The following TTN variants were observed in gnomAD, a reference collection of about 807,000 sequenced individuals.
TTN encodes the protein connectin.
A neutral mutation model predicts 3,223.0 loss-of-function variants in TTN; 1,525 were observed. The observed-to-expected ratio is 0.47, with a 90% CI of 0.45 to 0.49. TTN has a LOEUF of 0.49. Among genes scored for constraint, TTN ranks in the 20% least tolerant of loss-of-function variants. The pLI, the probability that TTN is intolerant of heterozygous loss-of-function variation, is 0.00. For synonymous variants in TTN, 14,094 were observed against 15,161.0 expected (o/e 0.93, Z 5.17); for missense variants, 40,786 against 43,424.0 (o/e 0.94, Z 5.40).
chr2:178,787,358 C>T (rs2154352371), intron 13 of TTN, among the ~76,000 whole-genome samples: 1 of 152,100 alleles, frequency 6.6e-6, no homozygotes, highest in East Asian at 1.9e-4. Context: ...TAGATTGCAT[C>T]ATCTCAGAAA....
At chr2:178,544,566 T>TAA (rs1696141790) in intron 344 of TTN, 60 bp from the exon 345 acceptor site, 7 of 1,463,420 alleles carry the variant, frequency 4.8e-6, no homozygotes, top group Non-Finnish European at 9.2e-7. Context: ...TTGAGATTTG[T>TAA]ATTTTTTGTT....
At position 178,565,909 on chromosome 2, in the gene TTN, A is replaced by G; in HGVS notation, c.80223T>C (p.Ser26741=). The change falls in exon 326 of 363, where the codon AGT becomes AGC. Residue 26741 remains serine (S), a synonymous_variant. Transcript: ENST00000589042. ...CTTCTGTAAGGTTTTCCACTTTAAA[A>G]CTTGTTTTGCTGCATTTACTACTCA... ...ANVSSKCSKT[S]FKVENLTEGA... 1 of 1,613,524 alleles carries G rather than the reference A, an allele frequency of 6.2e-7. No individual in the cohort carries two copies. The highest frequency in any genetic ancestry group is 8.5e-7 in the Non-Finnish European group (1 of 1,179,656).
intron 36 of TTN, 51 bp from the exon 37 acceptor site, chr2:178,769,990 G>T: frequency 6.2e-7 from 1 of 1,614,122 alleles, no homozygotes; most frequent in South Asian, 1.1e-5. Flanking sequence ...TTAAAAAGTA[G>T]ATGAAACCAA....
Position 178,538,624 on chromosome 2 carries a change from A to T in TTN, c.99205T>A (p.Tyr33069Asn), listed in dbSNP as rs752578821. ...TIGGLLEATE[Y>N]EFRVFAENET... is the part of the protein sequence containing the mutation. ...TTCTCAGCAAAAACCCTGAATTCAT[A>T]CTCAGTAGCTTCCAGCAAACCTCCT... Residue 33069 changes from tyrosine to asparagine, a missense_variant, in exon 354 of 363, where the codon TAT (tyrosine) becomes AAT (asparagine). Transcript: ENST00000589042. 2 of 1,613,668 alleles carry T rather than the reference A, an allele frequency of 1.2e-6. No homozygotes were observed. The highest frequency in any genetic ancestry group is 2.2e-5 in the South Asian group (2 of 91,058).
chr2:178,576,250 G>C lies in TTN; in HGVS notation c.69882C>G (p.Thr23294=). ...DEAWIKDTTG[T]ALRITQFVVP... Reference sequence around the variant, plus strand: ...CAACGAACTGAGTGATTCTGAGGGCGGTTCCTGTGGTATCTTTTATCCAGG... The same window carrying C: ...CAACGAACTGAGTGATTCTGAGGGCCGTTCCTGTGGTATCTTTTATCCAGG... The change falls in exon 326 of 363, where the codon ACC becomes ACG. Residue 23294 remains threonine (T), a synonymous_variant. Coordinates refer to ENST00000589042, the MANE Select transcript of TTN (RefSeq NM_001267550.2). This position sits in a 1 kb window ranked among gnomAD's most constrained non-coding sequence, Gnocchi z 4.3. The C allele has an allele frequency of 6.2e-7, 1 of 1,611,958 alleles. No homozygotes were observed. Among genetic ancestry groups the C allele is most frequent in the Non-Finnish European group, 8.5e-7 (1 of 1,179,062 alleles).
chr2:178,711,891 A>C, intron 96 of TTN, 53 bp downstream of exon 96: 1 of 1,518,214 alleles, frequency 6.6e-7, no homozygotes, highest in Non-Finnish European at 8.8e-7. Context: ...AGACATTTTA[A>C]ATCTTGTTCA....
At chr2:178,763,166 A>G (rs912038318) in intron 43 of TTN, among the ~76,000 whole-genome samples, 2 of 152,186 alleles carry the variant, frequency 1.3e-5, no homozygotes, top group African/African-American at 2.4e-5. Flanking sequence ...GAAACTCTCA[A>G]ATAATTGTGA....
intron 2 of TTN, 106 bp downstream of exon 2, chr2:178,804,446 G>A (rs755817317): frequency 5.3e-5 from 59 of 1,105,816 alleles, no homozygotes; most frequent in Admixed American, 2.9e-4. Context: ...CTAATTTTCC[G>A]AAGTGAAAGC....
chr2:178,609,817 T>C lies in TTN; in HGVS notation c.51606A>G (p.Val17202=), dbSNP rs375685343. 8 of 1,612,840 alleles carry C rather than the reference T, an allele frequency of 5.0e-6. No homozygotes were observed. The African/African-American group carries it at 9.4e-5, about 19-fold the overall frequency. Residue 17202 remains valine (V), a synonymous_variant, in exon 272 of 363, where the codon GTA becomes GTG. Coordinates refer to ENST00000589042, the MANE Select transcript of TTN (RefSeq NM_001267550.2). ...ERWKRCNEHL[V]PILTYTAKGL... ...CTTTTGCTGTATAGGTCAGGATTGGTACCAGGTGTTCATTGCATCTCTTCC... is the reference window on the plus strand; with the variant it reads ...CTTTTGCTGTATAGGTCAGGATTGGCACCAGGTGTTCATTGCATCTCTTCC...
In TTN at chr2:178,725,285, C is replaced by T. The variant is rs545551373; in HGVS notation, c.20836+83G>A. 1,410 of 1,362,748 alleles carry T rather than the reference C, an allele frequency of 1.0e-3. 7 individuals are homozygous for T. The highest frequency in any genetic ancestry group is 8.7e-4 in the Non-Finnish European group (908 of 1,043,662). The allele number at this position is 1,362,748 out of a possible 1,614,324, so 84.4% of individuals were successfully genotyped here. On this transcript the variant is annotated intron_variant, in intron 71 of 362. Coordinates refer to ENST00000589042, the MANE Select transcript of TTN (RefSeq NM_001267550.2). Reference sequence around the variant, plus strand: ...AGGATAAATATAGTTCTAGAAGAAACTCAGAAAAAGAATCTGCCAGTAACT... The same window carrying T: ...AGGATAAATATAGTTCTAGAAGAAATTCAGAAAAAGAATCTGCCAGTAACT...
At position 178,689,129 on chromosome 2, in the gene TTN, AGCTG is replaced by A. The variant is rs1234375761; in HGVS notation, c.32015_32018del (p.Pro10672LeufsTer35). 4 of 1,603,738 alleles carry A rather than the reference AGCTG, an allele frequency of 2.5e-6. No homozygotes were observed. The highest frequency in any genetic ancestry group is 3.4e-6 in the Non-Finnish European group (4 of 1,177,404). ...CCTCTGGGACGGGTTTCTTAGGCAG[AGCTG>A]GCACTTTAGAGACATTATGCACTTT... On this transcript the variant is annotated frameshift_variant, in exon 125 of 363. Coordinates refer to ENST00000589042, the MANE Select transcript of TTN (RefSeq NM_001267550.2). LOFTEE classifies it high-confidence loss of function.
At position 178,545,433 on chromosome 2, in the gene TTN, C is replaced by T. The variant is rs1241275942; in HGVS notation, c.95677G>A (p.Glu31893Lys). 2 of 1,604,456 alleles carry T rather than the reference C, an allele frequency of 1.2e-6. No homozygotes were observed. Among genetic ancestry groups the T allele is most frequent in the East Asian group, 2.2e-5 (1 of 44,642 alleles). The change falls in exon 344 of 363, where the codon GAG becomes AAG. Residue 31893 changes from glutamate (E) to lysine (K), a missense_variant. By Grantham distance (56) the Glu-to-Lys change is moderately conservative. Transcript: ENST00000589042. ...ATGAAGTTGGAAGCTTCGCTGGGCT[C>T]ACTGTTACCAGCTGCATTCACTGCG... Reference protein sequence around the residue: ...VTAVNAAGNSEPSEASNFISC... With the variant: ...VTAVNAAGNSKPSEASNFISC...
chr2:178,624,691 C>G lies in TTN; in HGVS notation c.44589G>C (p.Thr14863=). 6.2e-7 allele frequency: 1 copy of G among 1,612,354 alleles called. No homozygotes were observed. Among genetic ancestry groups the G allele is most frequent in the East Asian group, 2.2e-5 (1 of 44,674 alleles). ...VEFTKPLEDQ[T]VEEGATAVLE... ...GCACTGCAGTGGCTCCCTCTTCGAC[C>G]GTCTGGTCCTCAAGAGGCTTAGTGA... The change falls in exon 242 of 363, where the codon ACG becomes ACC. Residue 14863 remains threonine (T), a synonymous_variant. Coordinates refer to ENST00000589042, the MANE Select transcript of TTN (RefSeq NM_001267550.2).
rs374775441 is a variant in TTN at position 178,671,901 on chromosome 2, C to T, written c.35227+70G>A. On this transcript the variant is annotated intron_variant, in intron 155 of 362. Transcript: ENST00000589042. ...GGTTTCTAATCTTCCAAACTGAACACAAAATTTACTTTCAAAGGAAAGTTA... is the reference window on the plus strand; with the variant it reads ...GGTTTCTAATCTTCCAAACTGAACATAAAATTTACTTTCAAAGGAAAGTTA... 17 of 1,533,058 alleles carry T rather than the reference C, an allele frequency of 1.1e-5. No individual in the cohort carries two copies. The African/African-American group carries it at 1.5e-4, about 14-fold the overall frequency. The allele number at this position is 1,533,058 out of a possible 1,614,324, so 95.0% of individuals were successfully genotyped here.
intron 13 of TTN, 31 bp from the exon 14 acceptor site, chr2:178,786,172 A>G: frequency 6.2e-7 from 1 of 1,609,886 alleles, no homozygotes; most frequent in Non-Finnish European, 8.5e-7. Context: ...ATTAATACAT[A>G]GGAATATCGA....
chr2:178,747,672 G>C, intron 47 of TTN: 1 of 1,613,098 alleles, frequency 6.2e-7, no homozygotes, highest in Non-Finnish European at 8.5e-7. Flanking sequence ...CCAGCAGCAA[G>C]TAAATATTGT....
In TTN at chr2:178,722,758, C is replaced by G. The variant is rs762179106; in HGVS notation, c.22141G>C (p.Val7381Leu). Reference protein sequence around the residue: ...TYFTNNVATLVFNKVNINDSG... With the variant: ...TYFTNNVATLLFNKVNINDSG... ...TCATTGATGTTCACTTTATTAAAAA[C>G]AAGTGTGGCCACATTGTTTGTAAAG... Residue 7381 changes from valine (V) to leucine (L), a missense_variant, in exon 76 of 363, where the codon GTT (valine) becomes CTT (leucine). Transcript: ENST00000589042. The G allele has an allele frequency of 6.2e-7, 1 of 1,613,106 alleles. No individual in the cohort carries two copies. The highest frequency in any genetic ancestry group is 1.3e-5 in the African/African-American group (1 of 74,874).
intron 257 of TTN, among the ~76,000 whole-genome samples, chr2:178,616,114 T>A (rs555464711): frequency 6.6e-6 from 1 of 151,968 alleles, no homozygotes; most frequent in African/African-American, 2.4e-5. Context: ...AATGGCTGAT[T>A]AGGTCAACTA....
Position 178,575,561 on chromosome 2 carries a change from G to C in TTN, c.70571C>G (p.Thr23524Arg). 1 of 1,613,634 alleles carries C rather than the reference G, an allele frequency of 6.2e-7. No individual in the cohort carries two copies. The highest frequency in any genetic ancestry group is 1.1e-5 in the South Asian group (1 of 91,060). ...TGCTTCAGAGGCTTTTACGGGCTCT[G>C]TAGTTTCTGTTGGCTCACCAATTCC... is the stretch of plus-strand genomic sequence containing the variant. ...EYGIGEPTET[T>R]EPVKASEAPS... Residue 23524 changes from threonine to arginine, a missense_variant, in exon 326 of 363, where the codon ACA becomes AGA. By Grantham distance (71) the Thr-to-Arg change is moderately conservative (BLOSUM62 -1). Coordinates refer to ENST00000589042, the MANE Select transcript of TTN (RefSeq NM_001267550.2). The surrounding 1 kb of genome is among the most constrained non-coding windows in gnomAD (Gnocchi z 4.0).
Sources: gnomAD v4.1 joint callset for allele counts (sites outside exome capture counted in the v4.1 genomes callset) on GRCh38, gnomAD v4.1.1 for gene constraint, Gnocchi (gnomAD v3.1) non-coding constraint, MANE v1.5 for transcripts, NCBI Gene and HGNC (gene_info 2026-07-23, HGNC 2026-07-21) for gene names.